The following TGM2 variants were observed in gnomAD, a reference collection of about 807,000 sequenced individuals.
The protein encoded by TGM2 is protein-glutamine gamma-glutamyltransferase 2.
A neutral mutation model predicts 75.6 loss-of-function variants in TGM2; 53 were observed. That is an observed-to-expected ratio of 0.70 (90% CI 0.56 to 0.88). The LOEUF (loss-of-function observed/expected upper bound fraction) is 0.88, where lower values mean the gene tolerates loss of function less well. Ranked by LOEUF, TGM2 falls within the 40% of genes least tolerant of loss-of-function variation. The pLI, the probability that TGM2 is intolerant of heterozygous loss-of-function variation, is 0.00. For missense variants in TGM2, 842 were observed against 928.5 expected (o/e 0.91, Z 1.21); for synonymous variants, 374 against 381.1 (o/e 0.98, Z 0.22).
chr20:38,147,974 A>G lies in TGM2; in HGVS notation c.668T>C (p.Val223Ala), dbSNP rs2075066086. 3 of 1,611,630 alleles carry G rather than the reference A, an allele frequency of 1.9e-6. No homozygotes were observed. The highest frequency in any genetic ancestry group is 1.7e-6 in the Non-Finnish European group (2 of 1,179,426). Residue 223 changes from valine to alanine, a missense_variant, in exon 5 of 13, where the codon GTG becomes GCG. Transcript: ENST00000361475. Reference protein sequence around the residue: ...RRSSPVYVGRVVSGMVNCNDD... With the variant: ...RRSSPVYVGRAVSGMVNCNDD... ...CCACTCACTCACCATGCCACTCACC[A>G]CCCGGCCCACGTAGACGGGGCTGCT...
rs757938039 is a variant in TGM2 at position 38,142,151 on chromosome 20, G to A, written c.908C>T (p.Ser303Leu). 5 of 1,614,186 alleles carry A rather than the reference G, an allele frequency of 3.1e-6. No homozygotes were observed. Among genetic ancestry groups the A allele is most frequent in the South Asian group, 1.1e-5 (1 of 91,084 alleles). Reference sequence around the variant, plus strand: ...AAGGTTGCTGTTCTGGTCATGGGCCGAGTTGTAGTTGGTCACGACGCGGGT... The same window carrying A: ...AAGGTTGCTGTTCTGGTCATGGGCCAAGTTGTAGTTGGTCACGACGCGGGT... ...IPTRVVTNYN[S>L]AHDQNSNLLI... Residue 303 changes from serine (S) to leucine (L), a missense_variant, in exon 7 of 13, where the codon TCG becomes TTG. Ser to Leu is a moderately radical substitution (Grantham distance 145). Coordinates refer to ENST00000361475, the MANE Select transcript of TGM2 (RefSeq NM_004613.4).
rs2074789102 is a variant in TGM2, at chr20:38,128,474, A to C, written c.*1745T>G. 6.6e-6 allele frequency: 1 copy of C among 152,248 alleles called. No homozygotes were observed. The highest frequency in any genetic ancestry group is 6.5e-5 in the Admixed American group (1 of 15,290). The allele number at this position is 152,248 out of a possible 1,614,324, so 9.4% of individuals were successfully genotyped here. A position where few individuals can be genotyped will look rare whatever the true frequency, so the allele number is the denominator to read the frequency against. ...GACCAGACCTAGTTTGAGTGTGAAA[A>C]ATAAACTATTTTATTTCAGTGTTTG... On this transcript the variant is annotated 3_prime_UTR_variant, in exon 13 of 13. Coordinates refer to ENST00000361475, the MANE Select transcript of TGM2 (RefSeq NM_004613.4).
At chr20:38,143,795 A>T (rs548334753) in intron 6 of TGM2, among the ~76,000 whole-genome samples, 1 of 152,224 alleles carries the variant, frequency 6.6e-6, no homozygotes, top group Non-Finnish European at 1.5e-5. Flanking sequence ...TTTTACTTTT[A>T]GTTTTGATTG....
chr20:38,142,177 A>G lies in TGM2; in HGVS notation c.882T>C (p.Pro294=), dbSNP rs2074983953. 1 of 1,614,190 alleles carries G rather than the reference A, an allele frequency of 6.2e-7. No homozygotes were observed. Among genetic ancestry groups the G allele is most frequent in the Non-Finnish European group, 8.5e-7 (1 of 1,180,028 alleles). ...ACTVLRCLGI[P]TRVVTNYNSA... ...AGTTGTAGTTGGTCACGACGCGGGT[A>G]GGGATGCCCAGGCACCTCAGCACTG... The change falls in exon 7 of 13, where the codon CCT becomes CCC. Residue 294 remains proline (P), a synonymous_variant. Transcript: ENST00000361475.
At chr20:38,133,557 A>C (rs2074862000) in intron 10 of TGM2, 1 of 152,398 alleles carries the variant, frequency 6.6e-6, no homozygotes. Flanking sequence ...TAGCATTTTA[A>C]GGATTCATGT....
intron 3 of TGM2, among the ~76,000 whole-genome samples, chr20:38,154,414 G>A (rs1216377963): frequency 1.3e-5 from 2 of 152,148 alleles, no homozygotes; most frequent in Non-Finnish European, 2.9e-5. Flanking sequence ...GAATAGGAAG[G>A]AAACAGATCA....
In TGM2 at chr20:38,156,094, G is replaced by A; in HGVS notation, c.191-5C>T. On this transcript the variant is annotated splice_polypyrimidine_tract_variant and splice_region_variant and intron_variant, in intron 2 of 12. Coordinates refer to ENST00000361475, the MANE Select transcript of TGM2 (RefSeq NM_004613.4). The stretch of plus-strand genomic sequence containing the variant: ...CCTCCTGGCTAGGGGCTGGGCCTGT[G>A]GAGGGAGAAGCAGTAGCCGTGAGCT... The A allele has an allele frequency of 6.2e-7, 1 of 1,611,428 alleles. No individual in the cohort carries two copies.
At position 38,135,692 on chromosome 20, in the gene TGM2, G is replaced by A. The variant is rs555445905; in HGVS notation, c.1615+2421C>T. Among the ~76,000 whole-genome samples, 11 of 152,146 alleles carry A rather than the reference G, an allele frequency of 7.2e-5. No individual in the cohort carries two copies. The South Asian group carries it at 1.0e-3, about 14-fold the overall frequency. ...AGGGCCGGGTCCTTTCTACACCACC[G>A]AGGTGTCAGGGACACAGGAACCCCC... is the stretch of plus-strand genomic sequence containing the variant. On this transcript the variant is annotated intron_variant, in intron 10 of 12. Transcript: ENST00000361475.
In TGM2 at chr20:38,138,329, C is replaced by A. The variant is rs754225495; in HGVS notation, c.1399G>T (p.Glu467Ter). 1.2e-6 allele frequency: 2 copies of A among 1,614,178 alleles called. No individual in the cohort carries two copies. The highest frequency in any genetic ancestry group is 3.3e-5 in the Admixed American group (2 of 60,026). ...TRANHLNKLA[E>*]KEETGMAMRI... The stretch of plus-strand genomic sequence containing the variant: ...ATGGCCATCCCTGTCTCCTCCTTCT[C>A]GGCCAGTTTGTTCAGGTGGTTCGCC... The change falls in exon 10 of 13, where the codon GAG becomes TAG. Residue 467 changes from glutamate to a stop codon, truncating the protein, a stop_gained. Coordinates refer to ENST00000361475, the MANE Select transcript of TGM2 (RefSeq NM_004613.4). LOFTEE classifies it high-confidence loss of function.
chr20:38,160,134 G>A (rs2075236642), intron 2 of TGM2, among the ~76,000 whole-genome samples: 2 of 152,244 alleles, frequency 1.3e-5, no homozygotes, highest in Admixed American at 1.3e-4. Context: ...AGGCTAGGCT[G>A]CAGTCCCCAT....
At chr20:38,153,528 A>AAAAAAAAAAAAAAAAGAAAAG (rs56670550) in intron 3 of TGM2, among the ~76,000 whole-genome samples, 6,644 of 124,260 alleles carry the variant, frequency 0.053, 286 homozygotes, top group African/African-American at 0.086. Flanking sequence ...TGGTCTCAAA[A>AAAAAAAAAAAAAAAAGAAAAG]AAAAGAAAAA....
chr20:38,131,008 G>C, intron 12 of TGM2, 85 bp downstream of exon 12: 1 of 1,592,574 alleles, frequency 6.3e-7, no homozygotes, highest in Non-Finnish European at 8.5e-7. Flanking sequence ...TTTCAGCCAG[G>C]GCTTGGTACC....
chr20:38,147,224 G>GC (rs1568692896), intron 5 of TGM2, among the ~76,000 whole-genome samples: 1 of 151,986 alleles, frequency 6.6e-6, no homozygotes, highest in Admixed American at 6.5e-5. Context: ...ACCCGCTTGG[G>GC]CCCCCCACCC....
Position 38,140,454 on chromosome 20 carries a change from G to A in TGM2, c.1100-800C>T, listed in dbSNP as rs59372156. On this transcript the variant is annotated intron_variant, in intron 8 of 12. Coordinates refer to ENST00000361475, the MANE Select transcript of TGM2 (RefSeq NM_004613.4). ...GGATCCCCCCAAGGCACTACCAACA[G>A]AATTCAGGGGTCTATGAACCCTATG... is the stretch of plus-strand genomic sequence containing the variant. Among the ~76,000 whole-genome samples, 1,215 of 152,286 alleles carry A rather than the reference G, an allele frequency of 8.0e-3. 18 individuals are homozygous for A. Among genetic ancestry groups the A allele is most frequent in the African/African-American group, 0.027 (1,137 of 41,558 alleles).
At chr20:38,164,672 C>T (rs1298665183) in intron 1 of TGM2, among the ~76,000 whole-genome samples, 3 of 152,120 alleles carry the variant, frequency 2.0e-5, no homozygotes, top group Non-Finnish European at 4.4e-5. Context: ...GGTTGCAGAA[C>T]GTGAGGGCGG....
At position 38,141,303 on chromosome 20, in the gene TGM2, T is replaced by C. The variant is rs2074970018; in HGVS notation, c.1078A>G (p.Thr360Ala). 1.3e-6 allele frequency: 2 copies of C among 1,582,772 alleles called. No individual in the cohort carries two copies. The highest frequency in any genetic ancestry group is 1.3e-5 in the African/African-American group (1 of 74,588). The change falls in exon 8 of 13, where the codon ACG becomes GCG. Residue 360 changes from threonine (T) to alanine (A), a missense_variant. Thr to Ala is a moderately conservative substitution (Grantham distance 58). Coordinates refer to ENST00000361475, the MANE Select transcript of TGM2 (RefSeq NM_004613.4). ...GYEGWQALDP[T>A]PQEKSEGTYC... ...GCACCTTCGCTCTTCTCCTGGGGCGTTGGGTCCAGGGCCTGCCAGCCCTCG... is the reference window on the plus strand; with the variant it reads ...GCACCTTCGCTCTTCTCCTGGGGCGCTGGGTCCAGGGCCTGCCAGCCCTCG...
rs1301551585 is a variant in TGM2 at position 38,141,374 on chromosome 20, C to T, written c.1007G>A (p.Cys336Tyr). ...CCTGGTCATCCACGACTCCACCCAG[C>T]AGTGGAAGTTCCTGAGGGGGATAGG... is the stretch of plus-strand genomic sequence containing the variant. ...DKSEMIWNFH[C>Y]WVESWMTRPD... Residue 336 changes from cysteine (C) to tyrosine (Y), a missense_variant, in exon 8 of 13, where the codon TGC (cysteine) becomes TAC (tyrosine). Physicochemically the swap from Cys to Tyr is radical, Grantham distance 194. Coordinates refer to ENST00000361475, the MANE Select transcript of TGM2 (RefSeq NM_004613.4). 3.8e-6 allele frequency: 6 copies of T among 1,582,464 alleles called. No homozygotes were observed. The highest frequency in any genetic ancestry group is 2.3e-5 in the East Asian group (1 of 43,584).
At chr20:38,135,090 A>G (rs1163851822) in intron 10 of TGM2, among the ~76,000 whole-genome samples, 1 of 152,198 alleles carries the variant, frequency 6.6e-6, no homozygotes, top group Non-Finnish European at 1.5e-5. Flanking sequence ...GAGGATGAGA[A>G]AAGTCAGCAT....
chr20:38,132,613 G>T, intron 10 of TGM2, 113 bp from the exon 11 acceptor site: 1 of 1,417,424 alleles, frequency 7.1e-7, no homozygotes, highest in Non-Finnish European at 9.9e-7. Flanking sequence ...TCACACAGCG[G>T]GGGAATGGCT....
Sources: allele counts gnomAD v4.1 joint callset (sites outside exome capture counted in the v4.1 genomes callset), GRCh38; gene constraint gnomAD v4.1.1; transcripts MANE v1.5; gene names NCBI Gene and HGNC (gene_info 2026-07-23, HGNC 2026-07-21).